Variants in ACACA observed in about 807,000 individuals in gnomAD.
ACACA encodes acetyl-CoA carboxylase 1.
A neutral mutation model predicts 296.1 loss-of-function variants in ACACA; 103 were observed. The ratio of observed to expected loss-of-function variants is 0.35; its 90% CI spans 0.30 to 0.41. The LOEUF is 0.41. ACACA is among the 10% of genes least tolerant of loss of function. The pLI is 1.00. For synonymous variants in ACACA, 953 were observed against 1,038.6 expected (o/e 0.92, Z 1.58); for missense variants, 1,554 against 2,989.7 (o/e 0.52, Z 11.20).
Position 37,270,114 on chromosome 17 carries a change from G to C in ACACA, c.1119+637C>G, listed in dbSNP as rs563845582. 1.1e-4 allele frequency among the ~76,000 whole-genome samples: 17 copies of C among 152,334 alleles called. 1 individual carries two copies. In the South Asian group the frequency reaches 3.5e-3, roughly 32 times the overall value. On this transcript the variant is annotated intron_variant, in intron 10 of 55. Transcript: ENST00000616317. ...GCTGCAAAGCAGAGGGTAAGGCAAAGAGAGATCCTACATCGAGCTTTCCTG... is the reference window on the plus strand; with the variant it reads ...GCTGCAAAGCAGAGGGTAAGGCAAACAGAGATCCTACATCGAGCTTTCCTG...
At chr17:37,393,973 T>C (rs1382292176) in intron 1 of ACACA, among the ~76,000 whole-genome samples, 1 of 152,170 alleles carries the variant, frequency 6.6e-6, no homozygotes, top group Non-Finnish European at 1.5e-5. Context: ...AATCCATTAA[T>C]AACTTCAAGT....
intron 1 of ACACA, among the ~76,000 whole-genome samples, chr17:37,377,572 A>G (rs1407381517): frequency 6.6e-6 from 1 of 152,056 alleles, no homozygotes; most frequent in Admixed American, 6.6e-5. Flanking sequence ...AGGCAGAAGA[A>G]TCCCTTGAAC....
rs181169736 is a variant in ACACA at position 37,263,276 on chromosome 17, C to T, written c.1329+409G>A. On this transcript the variant is annotated intron_variant, in intron 11 of 55. Coordinates refer to ENST00000616317, the MANE Select transcript of ACACA (RefSeq NM_198834.3). ...TACAAAAAGATAGAATGTGTGAACT[C>T]TGAAGATATTTAGAGGACTTTCCAA... Among the ~76,000 whole-genome samples the T allele has an allele frequency of 5.3e-5, 8 of 152,216 alleles. No individual in the cohort carries two copies. In the East Asian group the frequency reaches 9.7e-4, roughly 18 times the overall value.
In ACACA at chr17:37,134,263, G is replaced by T. The variant is rs964699122; in HGVS notation, c.5680-4045C>A. On this transcript the variant is annotated intron_variant, in intron 45 of 55. Transcript: ENST00000616317. ...GGCAATGAAAACAGCCTAATATACC[G>T]CCTGCTCTCTCCCTTAAAGCCCTTT... Among the ~76,000 whole-genome samples, 3 of 152,238 alleles carry T rather than the reference G, an allele frequency of 2.0e-5. No homozygotes were observed. The East Asian group carries it at 5.8e-4, about 29-fold the overall frequency.
intron 52 of ACACA, among the ~76,000 whole-genome samples, chr17:37,110,787 A>C (rs536228002): frequency 5.3e-5 from 8 of 152,356 alleles, no homozygotes; most frequent in Non-Finnish European, 7.3e-5. Flanking sequence ...AAAACAAGAC[A>C]AACCAACTGA....
At chr17:37,173,979 AATTTATAT>A (rs1420369172) in intron 41 of ACACA, among the ~76,000 whole-genome samples, 17 of 41,850 alleles carry the variant, frequency 4.1e-4, no homozygotes, top group African/African-American at 1.3e-3. Flanking sequence ...ACGCCTGGCT[AATTTATAT>A]ATATATATAT....
intron 24 of ACACA, among the ~76,000 whole-genome samples, chr17:37,235,861 G>A (rs955975727): frequency 6.6e-6 from 1 of 152,156 alleles, no homozygotes; most frequent in Non-Finnish European, 1.5e-5. Context: ...ACCAGGGGCA[G>A]GTTAGTTCTG....
At chr17:37,135,602 A>G (rs1482870479) in intron 45 of ACACA, among the ~76,000 whole-genome samples, 2 of 152,206 alleles carry the variant, frequency 1.3e-5, no homozygotes, top group East Asian at 1.9e-4. Context: ...AAAGAGGCTG[A>G]ATATAGGCCA....
intron 3 of ACACA, chr17:37,328,870 C>T: frequency 2.5e-6 from 1 of 398,552 alleles, no homozygotes; most frequent in Non-Finnish European, 4.4e-6. Flanking sequence ...CACACCAAGC[C>T]AGTATCAAAT....
intron 41 of ACACA, among the ~76,000 whole-genome samples, chr17:37,168,417 A>G (rs1258413023): frequency 6.6e-6 from 1 of 152,184 alleles, no homozygotes; most frequent in African/African-American, 2.4e-5. Flanking sequence ...TAAAATAAAA[A>G]ATAACTGAGA....
At chr17:37,241,515 G>A (rs770132387) in intron 23 of ACACA, among the ~76,000 whole-genome samples, 1 of 152,030 alleles carries the variant, frequency 6.6e-6, no homozygotes, top group African/African-American at 2.4e-5. Flanking sequence ...GATGAGCCTG[G>A]GCAACATGGC....
chr17:37,094,575 C>CA (rs896690660), intron 54 of ACACA, among the ~76,000 whole-genome samples: 25 of 68,868 alleles, frequency 3.6e-4, no homozygotes, highest in African/African-American at 7.2e-4. Flanking sequence ...AAGAACCACC[C>CA]CCCCCCCCCC....
At chr17:37,155,838 T>C (rs1028512461) in intron 42 of ACACA, 58 bp from the exon 43 acceptor site, 10 of 1,148,108 alleles carry the variant, frequency 8.7e-6, no homozygotes, top group Non-Finnish European at 1.0e-5. Flanking sequence ...AATCAGAAGA[T>C]ACAGCAAAGC....
At chr17:37,260,290 ATATATATTTTTTTTTT>A (rs1165043893) in intron 11 of ACACA, among the ~76,000 whole-genome samples, 8 of 17,564 alleles carry the variant, frequency 4.6e-4, no homozygotes, top group East Asian at 2.4e-3. Flanking sequence ...ATATATATAT[ATATATATTTTTTTTTT>A]TTTTTTTTTT....
intron 29 of ACACA, among the ~76,000 whole-genome samples, chr17:37,212,554 G>C (rs2078793829): frequency 6.6e-6 from 1 of 152,134 alleles, no homozygotes. Context: ...GGGATGTAAG[G>C]GAGATAAGCA....
Position 37,390,233 on chromosome 17 carries a change from TATA to T in ACACA, c.38+16026_38+16028del, listed in dbSNP as rs534678078. ...TATATATTTATTATATATAATTATA[TATA>T]ATATATTATATATATATTATATATA... On this transcript the variant is annotated intron_variant, in intron 1 of 55. Coordinates refer to ENST00000616317, the MANE Select transcript of ACACA (RefSeq NM_198834.3). 6.0e-3 allele frequency among the ~76,000 whole-genome samples: 313 copies of T among 51,960 alleles called. 7 individuals are homozygous for T. Among genetic ancestry groups the T allele is most frequent in the African/African-American group, 0.037 (300 of 8,028 alleles). The allele number at this position is 51,960 out of a possible 152,430, so 34.1% of individuals were successfully genotyped here.
intron 38 of ACACA, 55 bp from the exon 39 acceptor site, chr17:37,188,535 G>A (rs1261906211): frequency 2.5e-5 from 39 of 1,573,468 alleles, no homozygotes; most frequent in Middle Eastern, 2.3e-4. Context: ...ACTAAGACCT[G>A]TTTCAGGTCT....
At chr17:37,371,194 C>T (rs1269060435) in intron 1 of ACACA, among the ~76,000 whole-genome samples, 2 of 151,828 alleles carry the variant, frequency 1.3e-5, no homozygotes, top group Non-Finnish European at 2.9e-5. Flanking sequence ...ATTCTCCTGC[C>T]TCAGCCCCCC....
At chr17:37,307,605 T>A (rs72828219) in intron 3 of ACACA, among the ~76,000 whole-genome samples, 3,797 of 152,208 alleles carry the variant, frequency 0.025, 59 homozygotes, top group Non-Finnish European at 0.037. Context: ...TTGTTTTGCT[T>A]TGTTTTTGAG....
Sources: allele counts gnomAD v4.1 joint callset (sites outside exome capture counted in the v4.1 genomes callset), GRCh38; gene constraint gnomAD v4.1.1; transcripts MANE v1.5; gene names NCBI Gene and HGNC (gene_info 2026-07-23, HGNC 2026-07-21).